Variants in CSPP1 observed in about 807,000 individuals in gnomAD.
CSPP1 encodes the protein centrosome and spindle pole associated protein 1.
Under a neutral mutation model 164.4 loss-of-function variants are expected in CSPP1, and 126 were observed. That is an observed-to-expected ratio of 0.77 (90% CI 0.66 to 0.89). The LOEUF (loss-of-function observed/expected upper bound fraction) is 0.89. CSPP1 is among the 40% of genes least tolerant of loss of function. The probability of loss-of-function intolerance (pLI) is 0.00; values close to 1 mark genes in which losing one functional copy is unlikely to be tolerated. For synonymous variants in CSPP1, 472 were observed against 476.7 expected, an observed-to-expected ratio of 0.99 and a Z score of 0.13; for missense variants, 1,395 against 1,449.8, an observed-to-expected ratio of 0.96 and a Z score of 0.61.
chr8:67,077,206 TGCAGTG>T (rs1808122140), intron 3 of CSPP1, among the ~76,000 whole-genome samples: 1 of 152,076 alleles, frequency 6.6e-6, no homozygotes, highest in South Asian at 2.1e-4. Context: ...CAGGCTGGAG[TGCAGTG>T]GCATGATCAT....
Position 67,066,929 on chromosome 8 carries a change from T to C in CSPP1, c.-11+2391T>C, listed in dbSNP as rs541589645. ...TCCTGCTACACCCAGCTAATTTTTT[T>C]ATTCGTAGTAAAGATGGGGTTTTGT... On this transcript the variant is annotated intron_variant, in intron 1 of 30. Coordinates refer to ENST00000678616, the MANE Select transcript of CSPP1 (RefSeq NM_001382391.1). Among the ~76,000 whole-genome samples the C allele has an allele frequency of 2.0e-5, 3 of 152,244 alleles. No individual in the cohort carries two copies. The South Asian group carries it at 6.2e-4, about 32-fold the overall frequency.
At chr8:67,068,073 T>C in intron 1 of CSPP1, among the ~76,000 whole-genome samples, 1 of 152,258 alleles carries the variant, frequency 6.6e-6, no homozygotes, top group African/African-American at 2.4e-5. Flanking sequence ...GGTCTCAAAC[T>C]CCTAACCTCA....
rs576551348 is a variant in CSPP1, at chr8:67,154,486, C to T, written c.2241+350C>T. The stretch of plus-strand genomic sequence containing the variant: ...GCTTTAAGTGATTCTCCTGCCTCAG[C>T]CTCCTGAGTAGCTGGGACTACAGGT... On this transcript the variant is annotated intron_variant, in intron 19 of 30. Coordinates refer to ENST00000678616, the MANE Select transcript of CSPP1 (RefSeq NM_001382391.1). Among the ~76,000 whole-genome samples, 36 of 152,300 alleles carry T rather than the reference C, an allele frequency of 2.4e-4. 1 individual carries two copies. Among genetic ancestry groups the T allele is most frequent in the African/African-American group, 6.5e-4 (27 of 41,562 alleles).
rs1563714141 is a variant in CSPP1, at chr8:67,159,961, CTTTT to C, written c.2538+825_2538+828del. 9.9e-4 allele frequency among the ~76,000 whole-genome samples: 29 copies of C among 29,238 alleles called. 1 individual carries two copies. The highest frequency in any genetic ancestry group is 3.1e-3 in the African/African-American group (13 of 4,232). 19.2% of individuals were successfully genotyped at this position (29,238 alleles called of 152,430 possible). On this transcript the variant is annotated intron_variant, in intron 21 of 30. Coordinates refer to ENST00000678616, the MANE Select transcript of CSPP1 (RefSeq NM_001382391.1). ...TCCTTCCTTCCTTCCTTCCTTCTTT[CTTTT>C]CTTTTCTTTTCTTTTCTTTTCTTTT...
chr8:67,181,301 T>C (rs1221354369), intron 28 of CSPP1, among the ~76,000 whole-genome samples: 1 of 151,322 alleles, frequency 6.6e-6, no homozygotes, highest in Non-Finnish European at 1.5e-5. Flanking sequence ...GCCTCCCAAA[T>C]TGCTGGGATT....
chr8:67,148,284 A>G lies in CSPP1; in HGVS notation c.1976-1499A>G, dbSNP rs1426336230. Among the ~76,000 whole-genome samples the G allele has an allele frequency of 4.3e-4, 65 of 152,140 alleles. 1 individual carries two copies. The highest frequency in any genetic ancestry group is 4.2e-3 in the Admixed American group (64 of 15,262). The stretch of plus-strand genomic sequence containing the variant: ...GCCTCCATTACCTTCTACAGAACAA[A>G]ATTGAGAGCCATTGACATGTGTTTT... On this transcript the variant is annotated intron_variant, in intron 17 of 30. Transcript: ENST00000678616.
intron 6 of CSPP1, among the ~76,000 whole-genome samples, chr8:67,094,214 T>A (rs1812233704): frequency 1.3e-5 from 2 of 150,992 alleles, no homozygotes; most frequent in Admixed American, 6.6e-5. Flanking sequence ...GAATTTAATT[T>A]GAAATATTTT....
intron 21 of CSPP1, among the ~76,000 whole-genome samples, chr8:67,159,912 CTTTCTTTCTTTCCTTT>C (rs1295470482): frequency 1.6e-5 from 1 of 61,012 alleles, no homozygotes; most frequent in Admixed American, 1.9e-4. Context: ...TTCTTTCTTT[CTTTCTTTCTTTCCTTT>C]CCTTCCTTCC....
chr8:67,155,109 C>T (rs1826429156), intron 19 of CSPP1, among the ~76,000 whole-genome samples: 1 of 152,158 alleles, frequency 6.6e-6, no homozygotes, highest in South Asian at 2.1e-4. Context: ...AGCAAACAGA[C>T]TTACTCCCAT....
chr8:67,172,549 G>A lies in CSPP1; in HGVS notation c.2962G>A (p.Asp988Asn). 1 of 1,612,006 alleles carries A rather than the reference G, an allele frequency of 6.2e-7. No individual in the cohort carries two copies. The highest frequency in any genetic ancestry group is 1.7e-5 in the Admixed American group (1 of 59,912). The part of the protein sequence containing the change: ...QNVHDFNELK[D>N]RDSETRVDLK... ...TGTTCATGATTTTAATGAGCTGAAAGATAGAGGTGAGTAGATTGCTGCTCT... is the reference window on the plus strand; with the variant it reads ...TGTTCATGATTTTAATGAGCTGAAAAATAGAGGTGAGTAGATTGCTGCTCT... Residue 988 changes from aspartate (D) to asparagine (N), a missense_variant, in exon 25 of 31, where the codon GAT (aspartate) becomes AAT (asparagine). Coordinates refer to ENST00000678616, the MANE Select transcript of CSPP1 (RefSeq NM_001382391.1).
chr8:67,073,958 A>T lies in CSPP1; in HGVS notation c.-10-285A>T, dbSNP rs1022515584. The stretch of plus-strand genomic sequence containing the variant: ...AGTGCTTTGGCTTAAGGATTTAAAG[A>T]GCTTTTTGTTTGCTTGCCTTCGTTT... On this transcript the variant is annotated intron_variant, in intron 1 of 30. Transcript: ENST00000678616. Among the ~76,000 whole-genome samples the T allele has an allele frequency of 7.9e-5, 12 of 152,202 alleles. No homozygotes were observed. In the East Asian group the frequency reaches 2.3e-3, roughly 29 times the overall value.
intron 21 of CSPP1, 32 bp downstream of exon 21, chr8:67,159,169 C>G (rs1400080784): frequency 3.8e-6 from 6 of 1,573,142 alleles, no homozygotes; most frequent in Non-Finnish European, 4.3e-6. Context: ...CAATCAAACC[C>G]ATAGTTTAAC....
intron 3 of CSPP1, among the ~76,000 whole-genome samples, chr8:67,080,439 C>G (rs1033955449): frequency 6.6e-6 from 1 of 152,188 alleles, no homozygotes; most frequent in Non-Finnish European, 1.5e-5. Context: ...GTGGCTCTTT[C>G]TACCACCATT....
At chr8:67,193,852 T>G (rs1344994846) in intron 30 of CSPP1, among the ~76,000 whole-genome samples, 115 of 152,246 alleles carry the variant, frequency 7.6e-4, no homozygotes, top group Non-Finnish European at 2.9e-4. Context: ...TTTTGCTTAT[T>G]AAACATATCC....
chr8:67,176,413 T>C (rs1831644520), intron 26 of CSPP1, among the ~76,000 whole-genome samples: 1 of 152,188 alleles, frequency 6.6e-6, no homozygotes, highest in Non-Finnish European at 1.5e-5. Flanking sequence ...GCCCAGATCA[T>C]AGGTCAAGAC....
At chr8:67,068,544 T>C (rs1806059110) in intron 1 of CSPP1, among the ~76,000 whole-genome samples, 1 of 152,246 alleles carries the variant, frequency 6.6e-6, no homozygotes, top group African/African-American at 2.4e-5. Flanking sequence ...ATAAACTTTC[T>C]TACTCTATAT....
chr8:67,126,571 C>T (rs1431558905), intron 15 of CSPP1, among the ~76,000 whole-genome samples: 2 of 152,190 alleles, frequency 1.3e-5, no homozygotes, highest in Admixed American at 6.5e-5. Flanking sequence ...GGCATGCGTT[C>T]AGTACCCTGG....
chr8:67,131,776 A>G (rs968085929), intron 15 of CSPP1, among the ~76,000 whole-genome samples, 175 bp from the exon 16 acceptor site: 5 of 152,370 alleles, frequency 3.3e-5, no homozygotes, highest in Middle Eastern at 3.4e-3. Flanking sequence ...TGTCAAAGCA[A>G]AGGCAGGAAG....
In CSPP1 at chr8:67,105,424, A is replaced by C. The variant is rs370422192; in HGVS notation, c.1023-481A>C. Among the ~76,000 whole-genome samples, 31 of 152,272 alleles carry C rather than the reference A, an allele frequency of 2.0e-4. No individual in the cohort carries two copies. In the East Asian group the frequency reaches 2.9e-3, roughly 14 times the overall value. On this transcript the variant is annotated intron_variant, in intron 8 of 30. Coordinates refer to ENST00000678616, the MANE Select transcript of CSPP1 (RefSeq NM_001382391.1). ...GATATGTGTCTCACTCTTGTTGCCC[A>C]GGCTGGAGCACAATGATGCTATCTT...
Sources: allele counts gnomAD v4.1 joint callset (sites outside exome capture counted in the v4.1 genomes callset), GRCh38; gene constraint gnomAD v4.1.1; transcripts MANE v1.5; gene names NCBI Gene and HGNC (gene_info 2026-07-23, HGNC 2026-07-21).